RNPEPL1: variants seen among roughly 807,000 people sequenced by gnomAD.
The protein encoded by RNPEPL1 is aminopeptidase RNPEPL1.
A neutral mutation model predicts 69.0 loss-of-function variants in RNPEPL1; 46 were observed. The ratio of observed to expected loss-of-function variants is 0.67; its 90% CI spans 0.53 to 0.85. The LOEUF is 0.85. Ranked by LOEUF, RNPEPL1 falls within the 40% of genes least tolerant of loss-of-function variation. The pLI is 0.00. For synonymous variants in RNPEPL1, 525 were observed against 454.1 expected (o/e 1.16, Z -1.98); for missense variants, 869 against 992.5 (o/e 0.88, Z 1.67).
At position 240,578,166 on chromosome 2, in the gene RNPEPL1, G is replaced by T; in HGVS notation, c.*274G>T. 2.9e-6 allele frequency: 1 copy of T among 349,594 alleles called. No homozygotes were observed. The highest frequency in any genetic ancestry group is 4.5e-5 in the Admixed American group (1 of 22,314). The allele number at this position is 349,594 out of a possible 1,614,324, so 21.7% of individuals were successfully genotyped here. A position where few individuals can be genotyped will look rare whatever the true frequency, so the allele number is the denominator to read the frequency against. ...CATGCCTCCTGTCTCAACACTGACA[G>T]CTGTGCCTAGCCCCGGATGCCAGCA... On this transcript the variant is annotated 3_prime_UTR_variant, in exon 11 of 11. Coordinates refer to ENST00000270357, the MANE Select transcript of RNPEPL1 (RefSeq NM_018226.6).
chr2:240,569,168 C>A, intron 1 of RNPEPL1, 54 bp downstream of exon 1: 1 of 1,370,694 alleles, frequency 7.3e-7, no homozygotes, highest in Non-Finnish European at 9.4e-7. Context: ...GCGCTGCTAG[C>A]GGCCTCTCGC....
At chr2:240,572,333 C>A in intron 1 of RNPEPL1, 90 bp from the exon 2 acceptor site, 2 of 1,431,898 alleles carry the variant, frequency 1.4e-6, no homozygotes, top group East Asian at 2.5e-5. Context: ...CCTCCCAGAG[C>A]CTCCTGCCTT....
intron 8 of RNPEPL1, chr2:240,576,127 T>G: frequency 3.7e-6 from 1 of 268,642 alleles, no homozygotes; most frequent in East Asian, 8.8e-5. Flanking sequence ...TCAAGAGCTT[T>G]TTGTGGGTAG....
At position 240,568,556 on chromosome 2, in the gene RNPEPL1, C is replaced by G; in HGVS notation, c.-31C>G. The stretch of plus-strand genomic sequence containing the variant: ...CTCGCCCGCGGCCCGGCGCGGCCGC[C>G]GCCCATGGATTTCACCTAGTGCCGG... On this transcript the variant is annotated 5_prime_UTR_variant, in exon 1 of 11. Coordinates refer to ENST00000270357, the MANE Select transcript of RNPEPL1 (RefSeq NM_018226.6). The surrounding 1 kb of genome is among the most constrained non-coding windows in gnomAD (Gnocchi z 6.2). 3.1e-6 allele frequency: 3 copies of G among 966,494 alleles called. No homozygotes were observed. The highest frequency in any genetic ancestry group is 3.7e-6 in the Non-Finnish European group (3 of 815,926). The allele number at this position is 966,494 out of a possible 1,614,324, so 59.9% of individuals were successfully genotyped here.
chr2:240,576,199 G>T, intron 8 of RNPEPL1: 1 of 407,510 alleles, frequency 2.5e-6, no homozygotes, highest in South Asian at 3.7e-5. Context: ...CCCCCATCCC[G>T]CCCCTGCTGG....
chr2:240,574,299 C>T lies in RNPEPL1; in HGVS notation c.1125C>T (p.Ser375=), dbSNP rs776590041. 1.1e-5 allele frequency: 17 copies of T among 1,607,190 alleles called. No individual in the cohort carries two copies. The highest frequency in any genetic ancestry group is 1.6e-4 in the Middle Eastern group (1 of 6,078). Residue 375 remains serine, a synonymous_variant, in exon 5 of 11, where the codon AGC becomes AGT. Coordinates refer to ENST00000270357, the MANE Select transcript of RNPEPL1 (RefSeq NM_018226.6). ...TNATWEEMWL[S]EGLATYAQRR... ...CCACGTGGGAAGAGATGTGGCTGAG[C>T]GAGGGCCTGGCCACCTATGCCCAGC... is the stretch of plus-strand genomic sequence containing the variant.
intron 10 of RNPEPL1, among the ~76,000 whole-genome samples, 162 bp from the exon 11 acceptor site, chr2:240,577,437 G>A (rs1277101735): frequency 6.6e-6 from 1 of 152,190 alleles, no homozygotes; most frequent in African/African-American, 2.4e-5. Flanking sequence ...GGTGGAGGTG[G>A]GAGGCTAATG....
Position 240,572,459 on chromosome 2 carries a change from G to C in RNPEPL1, c.565G>C (p.Ala189Pro). ...GGACCCAGAGCTGACCTATGGCTGC[G>C]CCAAGCCCTTCGTCTTCACCCAGGG... The part of the protein sequence containing the change: ...WLDPELTYGC[A>P]KPFVFTQGHS... The change falls in exon 2 of 11, where the codon GCC becomes CCC. Residue 189 changes from alanine (A) to proline (P), a missense_variant. This residue lies in a region of RNPEPL1 where 610 missense variants were observed against 790.9 expected (regional missense o/e 0.77). Coordinates refer to ENST00000270357, the MANE Select transcript of RNPEPL1 (RefSeq NM_018226.6). 1 of 1,536,240 alleles carries C rather than the reference G, an allele frequency of 6.5e-7. No homozygotes were observed. The highest frequency in any genetic ancestry group is 8.7e-7 in the Non-Finnish European group (1 of 1,146,870).
rs1470711915 is a variant in RNPEPL1, at chr2:240,578,755, C to T, written c.*863C>T. On this transcript the variant is annotated 3_prime_UTR_variant, in exon 11 of 11. Coordinates refer to ENST00000270357, the MANE Select transcript of RNPEPL1 (RefSeq NM_018226.6). ...TGATCTCCTGCGCTCTTTCTCGCGA[C>T]TCTTGTCCTCTGCATCTTCCTGGCT... 4 of 152,804 alleles carry T rather than the reference C, an allele frequency of 2.6e-5. No individual in the cohort carries two copies. Among genetic ancestry groups the T allele is most frequent in the Non-Finnish European group, 4.4e-5 (3 of 68,374 alleles). 9.5% of individuals were successfully genotyped at this position (152,804 alleles called of 1,614,324 possible).
At chr2:240,577,091 A>T in intron 10 of RNPEPL1, 101 bp downstream of exon 10, 2 of 1,469,622 alleles carry the variant, frequency 1.4e-6, no homozygotes, top group Non-Finnish European at 1.9e-6. Context: ...CAGGCCAGGC[A>T]CATTCTGGAG....
chr2:240,574,997 G>C, intron 6 of RNPEPL1, 33 bp from the exon 7 acceptor site: 2 of 1,556,628 alleles, frequency 1.3e-6, no homozygotes, highest in Non-Finnish European at 1.8e-6. Flanking sequence ...TGGTGGTTTC[G>C]GACGCCAGCC....
Position 240,576,542 on chromosome 2 carries a change from A to G in RNPEPL1, c.1518A>G (p.Glu506=). The change falls in exon 9 of 11, where the codon GAA becomes GAG. Residue 506 remains glutamate (E), a synonymous_variant. Coordinates refer to ENST00000270357, the MANE Select transcript of RNPEPL1 (RefSeq NM_018226.6). The part of the protein sequence containing the change: ...EQSVDCRAGL[E]FERWLNATGP... The stretch of plus-strand genomic sequence containing the variant: ...GTCACTTCTCCCCTCTAGGGCTGGA[A>G]TTCGAGCGCTGGCTCAATGCCACAG... 1 of 1,611,386 alleles carries G rather than the reference A, an allele frequency of 6.2e-7. No individual in the cohort carries two copies. The highest frequency in any genetic ancestry group is 1.1e-5 in the South Asian group (1 of 90,872).
chr2:240,572,625 G>A (rs937826363), intron 2 of RNPEPL1, 62 bp downstream of exon 2: 189 of 1,525,660 alleles, frequency 1.2e-4, no homozygotes, highest in Admixed American at 3.4e-4. Context: ...TGGCCACGCC[G>A]CCTCCCCCTT....
In RNPEPL1 at chr2:240,577,894, C is replaced by T. The variant is rs781756989; in HGVS notation, c.*2C>T. ...AGGGACGTCAATGTGTCTGCCTAGC[C>T]CTGTTGGCGGGCTGACCCTCGACCT... On this transcript the variant is annotated 3_prime_UTR_variant, in exon 11 of 11. Coordinates refer to ENST00000270357, the MANE Select transcript of RNPEPL1 (RefSeq NM_018226.6). 9.4e-6 allele frequency: 14 copies of T among 1,494,506 alleles called. No homozygotes were observed. In the Admixed American group the frequency reaches 2.8e-4, roughly 30 times the overall value. The allele number at this position is 1,494,506 out of a possible 1,614,324, so 92.6% of individuals were successfully genotyped here.
In RNPEPL1 at chr2:240,572,579, C is replaced by G. The variant is rs1017886261; in HGVS notation, c.669+16C>G. 5.9e-6 allele frequency: 9 copies of G among 1,535,850 alleles called. No homozygotes were observed. Among genetic ancestry groups the G allele is most frequent in the Middle Eastern group, 1.7e-4 (1 of 5,990 alleles). On this transcript the variant is annotated intron_variant, in intron 2 of 10. Coordinates refer to ENST00000270357, the MANE Select transcript of RNPEPL1 (RefSeq NM_018226.6). ...CGTCGTCAAGGTCAGGGGCCGCCAG[C>G]TGCCGTCACCTTGCTCCCAGGACAG...
At position 240,574,240 on chromosome 2, in the gene RNPEPL1, G is replaced by A; in HGVS notation, c.1066G>A (p.Ala356Thr). 6.2e-7 allele frequency: 1 copy of A among 1,613,180 alleles called. No homozygotes were observed. Among genetic ancestry groups the A allele is most frequent in the Non-Finnish European group, 8.5e-7 (1 of 1,179,968 alleles). Residue 356 changes from alanine (A) to threonine (T), a missense_variant, in exon 5 of 11, where the codon GCC becomes ACC. Physicochemically the swap from Ala to Thr is moderately conservative, Grantham distance 58. This residue lies in a region of RNPEPL1 where 610 missense variants were observed against 790.9 expected (regional missense o/e 0.77). Transcript: ENST00000270357. ...FLVIDVIHEV[A>T]HSWFGNAVTN... ...GGTCATCGATGTCATCCACGAGGTG[G>A]CCCACAGTTGGTTCGGCAACGCTGT...
chr2:240,572,785 A>AC (rs1315019447), intron 2 of RNPEPL1, among the ~76,000 whole-genome samples: 1 of 152,136 alleles, frequency 6.6e-6, no homozygotes, highest in Non-Finnish European at 1.5e-5. Flanking sequence ...GGGGTCCTGG[A>AC]CCCGGGGTGA....
Position 240,572,494 on chromosome 2 carries a change from G to A in RNPEPL1, c.600G>A (p.Val200=), listed in dbSNP as rs781418390. ...KPFVFTQGHS[V]CNRSFFPCFD... is the part of the protein sequence containing the mutation. ...TCGTCTTCACCCAGGGCCACTCCGT[G>A]TGCAACCGCTCCTTCTTCCCGTGCT... The change falls in exon 2 of 11, where the codon GTG becomes GTA. Residue 200 remains valine, a synonymous_variant. Transcript: ENST00000270357. The A allele has an allele frequency of 1.3e-6, 2 of 1,536,286 alleles. No individual in the cohort carries two copies. Among genetic ancestry groups the A allele is most frequent in the Non-Finnish European group, 1.7e-6 (2 of 1,146,902 alleles).
chr2:240,568,547 C>A lies in RNPEPL1; in HGVS notation c.-40C>A, dbSNP rs2093010837. 1.2e-5 allele frequency: 11 copies of A among 942,668 alleles called. No homozygotes were observed. Among genetic ancestry groups the A allele is most frequent in the African/African-American group, 1.8e-5 (1 of 55,236 alleles). 58.4% of individuals were successfully genotyped at this position (942,668 alleles called of 1,614,324 possible). A position where few individuals can be genotyped will look rare whatever the true frequency, so the allele number is the denominator to read the frequency against. The stretch of plus-strand genomic sequence containing the variant: ...CCGGCGCCCCTCGCCCGCGGCCCGG[C>A]GCGGCCGCCGCCCATGGATTTCACC... On this transcript the variant is annotated 5_prime_UTR_variant, in exon 1 of 11. Transcript: ENST00000270357. This position sits in a 1 kb window ranked among gnomAD's most constrained non-coding sequence, Gnocchi z 6.2.
Sources: allele counts gnomAD v4.1 joint callset (sites outside exome capture counted in the v4.1 genomes callset), GRCh38; gene constraint gnomAD v4.1.1; regional missense constraint gnomAD v4.1.1; non-coding constraint Gnocchi (gnomAD v3.1); transcripts MANE v1.5; gene names NCBI Gene and HGNC (gene_info 2026-07-23, HGNC 2026-07-21).